The following SYN2 variants were observed in gnomAD, a reference collection of about 807,000 sequenced individuals.
The protein encoded by SYN2 is synapsin-2.
In SYN2, 19 loss-of-function variants were observed where a neutral mutation model predicts 50.9. The observed-to-expected ratio is 0.37, with a 90% CI of 0.26 to 0.55. The LOEUF (loss-of-function observed/expected upper bound fraction) is 0.55. Ranked by LOEUF, SYN2 falls within the 20% of genes least tolerant of loss-of-function variation. The pLI is 0.81. For synonymous variants in SYN2, 255 were observed against 224.9 expected (o/e 1.13, Z -1.20); for missense variants, 587 against 576.4 (o/e 1.02, Z -0.19).
At chr3:12,023,421 G>A (rs945244376) in intron 1 of SYN2, among the ~76,000 whole-genome samples, 18 of 152,100 alleles carry the variant, frequency 1.2e-4, no homozygotes, top group Non-Finnish European at 2.1e-4. Context: ...TAGCTTTGGG[G>A]AGTGTAAGAC....
Position 12,161,536 on chromosome 3 carries a change from C to G in SYN2, c.775-10C>G, listed in dbSNP as rs1299448505. On this transcript the variant is annotated splice_polypyrimidine_tract_variant and intron_variant, in intron 5 of 12. Transcript: ENST00000621198. ...CTCTGACAGTTTATTCATTTCTCTTCTGATTTCAGCTGACACTGCCCACGT... is the reference window on the plus strand; with the variant it reads ...CTCTGACAGTTTATTCATTTCTCTTGTGATTTCAGCTGACACTGCCCACGT... The G allele has an allele frequency of 1.9e-6, 3 of 1,613,874 alleles. No individual in the cohort carries two copies. Among genetic ancestry groups the G allele is most frequent in the African/African-American group, 2.7e-5 (2 of 74,938 alleles).
intron 3 of SYN2, among the ~76,000 whole-genome samples, chr3:12,142,454 T>C (rs567273883): frequency 2.6e-5 from 4 of 152,386 alleles, no homozygotes; most frequent in East Asian, 3.9e-4. Context: ...CTGTCTTCTA[T>C]GTGAGATCAC....
intron 10 of SYN2, among the ~76,000 whole-genome samples, chr3:12,180,249 T>C (rs186016585): frequency 4.7e-5 from 1 of 21,296 alleles, no homozygotes; most frequent in Non-Finnish European, 3.9e-4. Context: ...CCCAGCTGGG[T>C]TTTTTTTTTT....
intron 1 of SYN2, among the ~76,000 whole-genome samples, chr3:12,038,157 A>T (rs1694540242): frequency 6.6e-6 from 1 of 151,836 alleles, no homozygotes; most frequent in Non-Finnish European, 1.5e-5. Flanking sequence ...TGTTGAAAAG[A>T]CTCTTTTTCC....
At chr3:12,139,592 G>A (rs369026242) in intron 1 of SYN2, among the ~76,000 whole-genome samples, 34 of 152,234 alleles carry the variant, frequency 2.2e-4, no homozygotes, top group African/African-American at 6.7e-4. Context: ...TATCTTATAC[G>A]TTGTTAGGAC....
At chr3:12,137,908 G>C (rs1309723059) in intron 1 of SYN2, among the ~76,000 whole-genome samples, 3 of 152,108 alleles carry the variant, frequency 2.0e-5, no homozygotes, top group East Asian at 3.9e-4. Flanking sequence ...AAGATAGATT[G>C]ATTGATTGGT....
intron 1 of SYN2, among the ~76,000 whole-genome samples, chr3:12,012,798 C>T (rs1574885382): frequency 1.3e-5 from 2 of 152,078 alleles, no homozygotes; most frequent in Admixed American, 1.3e-4. Context: ...TCTCTTTTTC[C>T]TTCTGTTCAT....
At chr3:12,039,069 G>C (rs1157693076) in intron 1 of SYN2, among the ~76,000 whole-genome samples, 7 of 152,126 alleles carry the variant, frequency 4.6e-5, no homozygotes, top group Non-Finnish European at 1.5e-5. Flanking sequence ...TTAGGTTGAG[G>C]AAGTTTCCTT....
intron 1 of SYN2, among the ~76,000 whole-genome samples, chr3:12,052,634 T>A (rs75007260): frequency 0.031 from 4,724 of 152,228 alleles, 276 homozygotes; most frequent in African/African-American, 0.11. Context: ...AGAGTTAGGT[T>A]AGGAGTGTTA....
intron 1 of SYN2, among the ~76,000 whole-genome samples, chr3:12,034,572 T>G (rs1379179959): frequency 2.0e-5 from 3 of 152,202 alleles, no homozygotes; most frequent in Non-Finnish European, 4.4e-5. Context: ...CCGTATCTGA[T>G]GAGGGCCTTT....
At chr3:12,038,508 G>A (rs1694548908) in intron 1 of SYN2, among the ~76,000 whole-genome samples, 1 of 152,102 alleles carries the variant, frequency 6.6e-6, no homozygotes. Flanking sequence ...GATTAATTTG[G>A]AGATATTGGC....
intron 1 of SYN2, among the ~76,000 whole-genome samples, chr3:12,094,820 TGAGAA>T (rs563470511): frequency 1.8e-4 from 27 of 152,266 alleles, no homozygotes; most frequent in Non-Finnish European, 2.9e-4. Context: ...CTTGAACACT[TGAGAA>T]GAGTATATAA....
intron 1 of SYN2, among the ~76,000 whole-genome samples, chr3:12,023,644 A>AC (rs781290129): frequency 4.6e-5 from 7 of 152,204 alleles, no homozygotes; most frequent in Non-Finnish European, 1.0e-4. Flanking sequence ...TACAAAGCTC[A>AC]CATATTTTTT....
At chr3:12,050,713 T>C (rs1291146709) in intron 1 of SYN2, among the ~76,000 whole-genome samples, 3 of 33,168 alleles carry the variant, frequency 9.0e-5, no homozygotes, top group South Asian at 9.9e-4. Context: ...TCTCTTCTCT[T>C]TTTTTTTTTT....
chr3:12,043,970 T>C (rs1694676789), intron 1 of SYN2, among the ~76,000 whole-genome samples: 1 of 152,324 alleles, frequency 6.6e-6, no homozygotes, highest in South Asian at 2.1e-4. Flanking sequence ...ATTTCTGCCT[T>C]GTGCCATTTG....
intron 4 of SYN2, among the ~76,000 whole-genome samples, chr3:12,150,828 T>C (rs112416663): frequency 2.8e-4 from 43 of 152,352 alleles, no homozygotes; most frequent in African/African-American, 1.0e-3. Context: ...CCATGTCACC[T>C]ATCCAGCTTC....
chr3:12,131,726 A>G (rs905027284), intron 1 of SYN2, among the ~76,000 whole-genome samples: 2 of 151,864 alleles, frequency 1.3e-5, no homozygotes, highest in African/African-American at 4.8e-5. Context: ...CAAAATAGAG[A>G]TCTTCAGAAA....
At chr3:12,159,014 A>G in intron 5 of SYN2, 1 of 897,836 alleles carries the variant, frequency 1.1e-6, no homozygotes, top group East Asian at 3.0e-5. Context: ...CCGCGGAGGC[A>G]GGACCCGAGG....
intron 1 of SYN2, chr3:12,070,548 C>A: frequency 9.4e-7 from 1 of 1,059,392 alleles, no homozygotes; most frequent in Non-Finnish European, 1.4e-6. Context: ...CCTGGTGCTG[C>A]TGACGGAGGC....
Sources: gnomAD v4.1 joint callset for allele counts (sites outside exome capture counted in the v4.1 genomes callset) on GRCh38, gnomAD v4.1.1 for gene constraint, MANE v1.5 for transcripts, NCBI Gene and HGNC (gene_info 2026-07-23, HGNC 2026-07-21) for gene names.